TP63: variants seen among roughly 807,000 people sequenced by gnomAD.
The protein encoded by TP63 is tumor protein 63.
In TP63, 17 loss-of-function variants were observed where a neutral mutation model predicts 82.8. That is an observed-to-expected ratio of 0.21 (90% CI 0.14 to 0.31). The LOEUF is 0.31. TP63 is among the 10% of genes least tolerant of loss of function. The probability of loss-of-function intolerance (pLI) is 1.00; values close to 1 mark genes in which losing one functional copy is unlikely to be tolerated. For missense variants in TP63, 648 were observed against 895.3 expected (o/e 0.72, Z 3.52); for synonymous variants, 330 against 321.7 (o/e 1.03, Z -0.28).
intron 4 of TP63, among the ~76,000 whole-genome samples, chr3:189,835,337 G>A (rs1577065698): frequency 6.6e-6 from 1 of 152,284 alleles, no homozygotes; most frequent in East Asian, 1.9e-4. Flanking sequence ...AACAAAAGAT[G>A]TCTGCCAATT....
the TP63 span, among the ~76,000 whole-genome samples, chr3:189,609,066 C>T: frequency 6.6e-6 from 1 of 152,088 alleles, no homozygotes; most frequent in African/African-American, 2.4e-5. Flanking sequence ...CTGATTGTAC[C>T]ATTGTGTTCT....
chr3:189,629,931 C>A (rs1729401568), upstream of TP63, among the ~76,000 whole-genome samples: 1 of 152,132 alleles, frequency 6.6e-6, no homozygotes, highest in Non-Finnish European at 1.5e-5. Context: ...AAGCAATCTT[C>A]CCTTTAAGTT....
chr3:189,752,823 CATACA>C (rs1482224117), intron 3 of TP63, among the ~76,000 whole-genome samples: 2 of 152,058 alleles, frequency 1.3e-5, no homozygotes, highest in Non-Finnish European at 2.9e-5. Context: ...GCTTTAGCTG[CATACA>C]ATACGTTTTG....
chr3:189,806,584 G>T (rs1263187784), intron 3 of TP63, among the ~76,000 whole-genome samples: 1 of 152,168 alleles, frequency 6.6e-6, no homozygotes, highest in Non-Finnish European at 1.5e-5. Flanking sequence ...TCCCCTAGTT[G>T]TCTTACCTGC....
At chr3:189,679,561 A>G (rs1715732224) in intron 1 of TP63, among the ~76,000 whole-genome samples, 1 of 151,918 alleles carries the variant, frequency 6.6e-6, no homozygotes, top group Non-Finnish European at 1.5e-5. Flanking sequence ...ATTTGCAAAT[A>G]TTTTCACTCA....
chr3:189,828,046 G>A (rs2108692117), intron 4 of TP63, among the ~76,000 whole-genome samples: 1 of 152,246 alleles, frequency 6.6e-6, no homozygotes, highest in African/African-American at 2.4e-5. Context: ...TTCAAGACCA[G>A]CCTGGCTGAT....
At chr3:189,707,574 A>G (rs1718296549) in intron 1 of TP63, among the ~76,000 whole-genome samples, 1 of 152,214 alleles carries the variant, frequency 6.6e-6, no homozygotes, top group Non-Finnish European at 1.5e-5. Context: ...TGTCTATAGC[A>G]TAATCAAATT....
At chr3:189,646,408 A>G (rs1276383112) in intron 1 of TP63, among the ~76,000 whole-genome samples, 1 of 147,346 alleles carries the variant, frequency 6.8e-6, no homozygotes, top group Non-Finnish European at 1.5e-5. Context: ...CTCACAGATA[A>G]TATGTATTGT....
At chr3:189,817,470 A>G (rs572554999) in intron 4 of TP63, among the ~76,000 whole-genome samples, 63 of 152,220 alleles carry the variant, frequency 4.1e-4, no homozygotes, top group Non-Finnish European at 8.2e-4. Flanking sequence ...TGAGTATTAT[A>G]ATTTTTACTT....
chr3:189,653,986 C>T (rs898462202), intron 1 of TP63, among the ~76,000 whole-genome samples: 3 of 152,108 alleles, frequency 2.0e-5, no homozygotes, highest in African/African-American at 7.2e-5. Context: ...AATTCATCTT[C>T]CACTATGGCT....
chr3:189,691,642 A>T (rs1424144577), intron 1 of TP63, among the ~76,000 whole-genome samples: 1 of 152,182 alleles, frequency 6.6e-6, no homozygotes, highest in East Asian at 1.9e-4. Flanking sequence ...TTAAATAATC[A>T]GTTTTCCTGT....
At chr3:189,639,317 G>T (rs1577156963) in intron 1 of TP63, among the ~76,000 whole-genome samples, 1 of 152,146 alleles carries the variant, frequency 6.6e-6, no homozygotes, top group Non-Finnish European at 1.5e-5. Context: ...TTATTGGTTA[G>T]TCAAGGTTTT....
intron 4 of TP63, among the ~76,000 whole-genome samples, chr3:189,839,148 G>A (rs908901445): frequency 6.6e-4 from 99 of 150,520 alleles, no homozygotes; most frequent in Admixed American, 2.6e-3. Context: ...CATTTTCCTC[G>A]TTTTTAAATC....
chr3:189,879,938 T>C, intron 10 of TP63: 7 of 1,280,532 alleles, frequency 5.5e-6, no homozygotes, highest in Non-Finnish European at 7.1e-6. Context: ...AAATAGCTTT[T>C]CAGGCACTCT....
chr3:189,749,030 A>G (rs1433687421), intron 3 of TP63, among the ~76,000 whole-genome samples: 1 of 152,134 alleles, frequency 6.6e-6, no homozygotes, highest in African/African-American at 2.4e-5. Context: ...ACAAAAATCA[A>G]CACAGATAAA....
the TP63 span, among the ~76,000 whole-genome samples, chr3:189,597,928 CAA>C: frequency 1.4e-3 from 182 of 130,870 alleles, no homozygotes; most frequent in East Asian, 2.1e-3. Flanking sequence ...GACCCTGCCT[CAA>C]AAAAAAAAAA....
intron 9 of TP63, among the ~76,000 whole-genome samples, chr3:189,872,417 A>G (rs965938745): frequency 1.2e-4 from 18 of 152,088 alleles, no homozygotes; most frequent in African/African-American, 4.3e-4. Flanking sequence ...ACACACACAC[A>G]CACACACACA....
At chr3:189,716,881 C>T (rs999621858) in intron 1 of TP63, among the ~76,000 whole-genome samples, 5 of 151,912 alleles carry the variant, frequency 3.3e-5, no homozygotes, top group African/African-American at 1.2e-4. Flanking sequence ...TCATTGCAGC[C>T]TCCACCTCTC....
intron 13 of TP63, 106 bp downstream of exon 13, chr3:189,890,988 C>A (rs1421217731): frequency 3.5e-5 from 36 of 1,043,424 alleles, no homozygotes; most frequent in Middle Eastern, 2.2e-4. Context: ...TTGTTTTTGT[C>A]ATGCCCCCAA....
Sources: gnomAD v4.1 joint callset for allele counts (sites outside exome capture counted in the v4.1 genomes callset) on GRCh38, gnomAD v4.1.1 for gene constraint, MANE v1.5 for transcripts, NCBI Gene and HGNC (gene_info 2026-07-23, HGNC 2026-07-21) for gene names.